Variants in PDGFD observed in about 807,000 individuals in gnomAD.
The protein encoded by PDGFD is platelet-derived growth factor D.
A neutral mutation model predicts 44.7 loss-of-function variants in PDGFD; 30 were observed. The ratio of observed to expected loss-of-function variants is 0.67; its 90% CI spans 0.50 to 0.91. The LOEUF is 0.91. Ranked by LOEUF, PDGFD falls within the 40% of genes least tolerant of loss-of-function variation. The pLI, the probability that PDGFD is intolerant of heterozygous loss-of-function variation, is 0.00. For synonymous variants in PDGFD, 173 were observed against 168.4 expected, an observed-to-expected ratio of 1.03 and a Z score of -0.21; for missense variants, 445 against 457.8, an observed-to-expected ratio of 0.97 and a Z score of 0.25.
At chr11:104,007,291 T>C (rs758325191) in intron 1 of PDGFD, among the ~76,000 whole-genome samples, 2 of 152,200 alleles carry the variant, frequency 1.3e-5, no homozygotes, top group Non-Finnish European at 2.9e-5. Context: ...TGTCTTTGAC[T>C]GCCTTTGACA....
chr11:104,131,871 T>C (rs1861926995), intron 1 of PDGFD, among the ~76,000 whole-genome samples: 1 of 148,982 alleles, frequency 6.7e-6, no homozygotes, highest in Admixed American at 6.7e-5. Flanking sequence ...AGATAATCTC[T>C]AGGCTGAAAT....
chr11:104,107,240 A>T (rs1183924351), intron 1 of PDGFD, among the ~76,000 whole-genome samples: 1 of 152,206 alleles, frequency 6.6e-6, no homozygotes, highest in Non-Finnish European at 1.5e-5. Context: ...GTCGATCTAT[A>T]GGTAATAAAC....
chr11:104,116,123 G>T (rs1045568150), intron 1 of PDGFD, among the ~76,000 whole-genome samples: 1 of 151,948 alleles, frequency 6.6e-6, no homozygotes, highest in East Asian at 1.9e-4. Context: ...ACATCTAGAA[G>T]GGTTTTCCAA....
At chr11:103,934,075 T>C (rs1488398767) in intron 5 of PDGFD, among the ~76,000 whole-genome samples, 1 of 152,220 alleles carries the variant, frequency 6.6e-6, no homozygotes, top group African/African-American at 2.4e-5. Flanking sequence ...CACCATTGAG[T>C]TGCTCACAGC....
rs942496843 is a variant in PDGFD, at chr11:104,124,343, T to C, written c.124+39461A>G. The stretch of plus-strand genomic sequence containing the variant: ...TTAAGGCATAAAAGGACTTTCTTAA[T>C]ATTGAGCCACTAACTGTGAACGGGC... On this transcript the variant is annotated intron_variant, in intron 1 of 6. Transcript: ENST00000393158. Among the ~76,000 whole-genome samples, 4 of 152,076 alleles carry C rather than the reference T, an allele frequency of 2.6e-5. 1 individual carries two copies. The highest frequency in any genetic ancestry group is 2.0e-4 in the Admixed American group (3 of 15,248).
chr11:104,033,806 T>C (rs1303106669), intron 1 of PDGFD, among the ~76,000 whole-genome samples: 3 of 152,202 alleles, frequency 2.0e-5, no homozygotes, highest in African/African-American at 4.8e-5. Context: ...GCATGTGACA[T>C]CTCACATGAT....
At chr11:104,115,964 A>G (rs139191620) in intron 1 of PDGFD, among the ~76,000 whole-genome samples, 1,536 of 151,996 alleles carry the variant, frequency 0.01, 26 homozygotes, top group African/African-American at 0.035. Flanking sequence ...ATAGATTGTG[A>G]AGGTTTTCTC....
intron 1 of PDGFD, among the ~76,000 whole-genome samples, chr11:104,137,235 C>T (rs976539943): frequency 1.3e-5 from 2 of 151,978 alleles, no homozygotes; most frequent in Non-Finnish European, 2.9e-5. Flanking sequence ...TGATATGGGC[C>T]AATACAGAGC....
intron 1 of PDGFD, among the ~76,000 whole-genome samples, chr11:104,142,867 G>A (rs867724795): frequency 2.6e-5 from 4 of 152,150 alleles, no homozygotes; most frequent in Non-Finnish European, 2.9e-5. Flanking sequence ...GCATGTCCGC[G>A]AAGGTTTCAA....
intron 1 of PDGFD, among the ~76,000 whole-genome samples, chr11:104,099,332 G>C (rs1483154697): frequency 6.6e-6 from 1 of 152,070 alleles, no homozygotes; most frequent in African/African-American, 2.4e-5. Flanking sequence ...CTAAATTACT[G>C]TTATGATGAA....
In PDGFD at chr11:103,908,584, T is replaced by C. The variant is rs1355038010; in HGVS notation, c.*1110A>G. On this transcript the variant is annotated 3_prime_UTR_variant, in exon 7 of 7. Transcript: ENST00000393158. Reference sequence around the variant, plus strand: ...AGGTTGTAAATAATCTATGATGGCCTGCCAAATATAAAATGCCATTATAAA... The same window carrying C: ...AGGTTGTAAATAATCTATGATGGCCCGCCAAATATAAAATGCCATTATAAA... 1 of 152,208 alleles carries C rather than the reference T, an allele frequency of 6.6e-6. No homozygotes were observed. Among genetic ancestry groups the C allele is most frequent in the East Asian group, 1.9e-4 (1 of 5,194 alleles). 9.4% of individuals were successfully genotyped at this position (152,208 alleles called of 1,614,324 possible).
rs189293959 is a variant in PDGFD at position 104,048,697 on chromosome 11, A to G, written c.125-48442T>C. ...AAGTACAAATTGAGAGTATGCTGAG[A>G]CATAAGTCCAATTCGTGGTATGCCA... On this transcript the variant is annotated intron_variant, in intron 1 of 6. Transcript: ENST00000393158. 1.1e-3 allele frequency among the ~76,000 whole-genome samples: 171 copies of G among 152,324 alleles called. 1 individual carries two copies. Among genetic ancestry groups the G allele is most frequent in the Non-Finnish European group, 1.9e-3 (131 of 68,022 alleles).
chr11:104,089,757 T>A (rs1030043140), intron 1 of PDGFD, among the ~76,000 whole-genome samples: 1 of 152,114 alleles, frequency 6.6e-6, no homozygotes, highest in Non-Finnish European at 1.5e-5. Context: ...CTTCTTAACA[T>A]TAAGAAAAAA....
At chr11:104,036,656 AG>A in intron 1 of PDGFD, 1 of 623,874 alleles carries the variant, frequency 1.6e-6, no homozygotes, top group Non-Finnish European at 2.8e-6. Context: ...GCTGGGAGAC[AG>A]CCCCCAGACA....
At chr11:104,137,039 C>G (rs1272343097) in intron 1 of PDGFD, among the ~76,000 whole-genome samples, 1 of 148,618 alleles carries the variant, frequency 6.7e-6, no homozygotes, top group Non-Finnish European at 1.5e-5. Context: ...GGAAACAATC[C>G]AGAGCCCCTC....
chr11:104,120,294 CTAA>C (rs1452389106), intron 1 of PDGFD, among the ~76,000 whole-genome samples: 1 of 151,684 alleles, frequency 6.6e-6, no homozygotes, highest in Non-Finnish European at 1.5e-5. Context: ...TCCTTTCAGT[CTAA>C]TTTTTGTTTA....
chr11:103,927,616 AT>A (rs1307192828), intron 5 of PDGFD, among the ~76,000 whole-genome samples: 1 of 152,244 alleles, frequency 6.6e-6, no homozygotes, highest in Non-Finnish European at 1.5e-5. Flanking sequence ...CATAAATGTA[AT>A]AAAGAAAAGG....
At chr11:103,984,478 G>A (rs141239939) in intron 3 of PDGFD, among the ~76,000 whole-genome samples, 2 of 151,568 alleles carry the variant, frequency 1.3e-5, no homozygotes, top group African/African-American at 2.4e-5. Flanking sequence ...TAATACCTGG[G>A]TGATTAAATA....
intron 5 of PDGFD, among the ~76,000 whole-genome samples, chr11:103,942,228 T>C (rs1213085923): frequency 6.6e-6 from 1 of 152,162 alleles, no homozygotes; most frequent in Non-Finnish European, 1.5e-5. Flanking sequence ...AATACCTTTA[T>C]ATCTACAATG....
Sources: gnomAD v4.1 joint callset for allele counts (sites outside exome capture counted in the v4.1 genomes callset) on GRCh38, gnomAD v4.1.1 for gene constraint, MANE v1.5 for transcripts, NCBI Gene and HGNC (gene_info 2026-07-23, HGNC 2026-07-21) for gene names.